The following ADD3 variants were observed in gnomAD, a reference collection of about 807,000 sequenced individuals.
The protein encoded by ADD3 is adducin 3.
Under a neutral mutation model 80.2 loss-of-function variants are expected in ADD3, and 25 were observed. That is an observed-to-expected ratio of 0.31 (90% CI 0.23 to 0.44). The LOEUF is 0.44. Among genes scored for constraint, ADD3 ranks in the 20% least tolerant of loss-of-function variants. The pLI is 1.00. For missense variants in ADD3, 829 were observed against 847.5 expected, an observed-to-expected ratio of 0.98 and a Z score of 0.27; for synonymous variants, 284 against 289.6, an observed-to-expected ratio of 0.98 and a Z score of 0.20.
chr10:110,004,222 C>T (rs1186481157), upstream of ADD3, among the ~76,000 whole-genome samples: 1 of 151,680 alleles, frequency 6.6e-6, no homozygotes, highest in Non-Finnish European at 1.5e-5. Flanking sequence ...TTAATTCTCT[C>T]CCTGTAGGAG....
intron 1 of ADD3, among the ~76,000 whole-genome samples, chr10:110,066,705 C>T (rs1483317804): frequency 6.6e-6 from 1 of 152,134 alleles, no homozygotes; most frequent in African/African-American, 2.4e-5. Context: ...GCATAGCCCA[C>T]AATTTGTGAG....
intron 1 of ADD3, among the ~76,000 whole-genome samples, chr10:110,084,307 C>T (rs1166196589): frequency 6.6e-6 from 1 of 152,168 alleles, no homozygotes; most frequent in East Asian, 1.9e-4. Context: ...ATCATGAGCA[C>T]ATACCTAGAA....
chr10:110,015,207 C>T (rs1361759116), intron 1 of ADD3, among the ~76,000 whole-genome samples: 2 of 151,992 alleles, frequency 1.3e-5, no homozygotes, highest in African/African-American at 2.4e-5. Flanking sequence ...TGTTAAATTT[C>T]GAATAAAGAT....
At chr10:110,094,213 G>A (rs1307237291) in intron 1 of ADD3, among the ~76,000 whole-genome samples, 1 of 152,092 alleles carries the variant, frequency 6.6e-6, no homozygotes, top group Non-Finnish European at 1.5e-5. Context: ...TAAACATGGC[G>A]TGATGGGTCT....
At chr10:110,018,952 C>T (rs1853327074) in intron 1 of ADD3, among the ~76,000 whole-genome samples, 1 of 152,120 alleles carries the variant, frequency 6.6e-6, no homozygotes, top group African/African-American at 2.4e-5. Context: ...GTTTTGAAGG[C>T]AGTAATGCTT....
intron 1 of ADD3, among the ~76,000 whole-genome samples, chr10:110,037,475 G>A (rs1855798299): frequency 6.6e-6 from 1 of 151,674 alleles, no homozygotes; most frequent in African/African-American, 2.4e-5. Context: ...CGTGGTGGTG[G>A]GCACCTGTAG....
At chr10:110,127,351 G>T (rs1433122330) in intron 12 of ADD3, among the ~76,000 whole-genome samples, 1 of 152,200 alleles carries the variant, frequency 6.6e-6, no homozygotes, top group Admixed American at 6.5e-5. Flanking sequence ...GGGTGCAGTG[G>T]CTCACGCCTG....
intron 1 of ADD3, among the ~76,000 whole-genome samples, chr10:110,093,215 C>T (rs1267631339): frequency 6.6e-6 from 1 of 152,150 alleles, no homozygotes; most frequent in Non-Finnish European, 1.5e-5. Context: ...ACCTGGAATT[C>T]TGTGATTGCT....
At chr10:110,028,380 C>T (rs1012640268) in intron 1 of ADD3, among the ~76,000 whole-genome samples, 2 of 152,064 alleles carry the variant, frequency 1.3e-5, no homozygotes, top group Admixed American at 6.6e-5. Context: ...TCGAGACCAG[C>T]CTGGCCAACC....
chr10:110,034,245 C>G (rs996513972), intron 1 of ADD3, among the ~76,000 whole-genome samples: 1 of 151,864 alleles, frequency 6.6e-6, no homozygotes, highest in African/African-American at 2.4e-5. Flanking sequence ...GGATATAATG[C>G]TTTTGTTTTA....
upstream of ADD3, among the ~76,000 whole-genome samples, chr10:110,003,333 A>G (rs1412325800): frequency 9.4e-6 from 1 of 106,818 alleles, no homozygotes; most frequent in Non-Finnish European, 1.8e-5. Flanking sequence ...GTGTCTGTGC[A>G]TGGAGAAAGA....
chr10:110,053,780 G>C (rs1455849594), intron 1 of ADD3, among the ~76,000 whole-genome samples: 1 of 152,146 alleles, frequency 6.6e-6, no homozygotes, highest in East Asian at 1.9e-4. Flanking sequence ...GTACACACTG[G>C]TGTTGAAAGT....
chr10:110,054,123 A>T (rs552764813), intron 1 of ADD3, among the ~76,000 whole-genome samples: 9 of 152,336 alleles, frequency 5.9e-5, no homozygotes, highest in African/African-American at 2.2e-4. Flanking sequence ...AAAAGTATGA[A>T]CAATAAAGTT....
At chr10:110,121,497 A>T (rs1851493926) in intron 8 of ADD3, among the ~76,000 whole-genome samples, 1 of 152,194 alleles carries the variant, frequency 6.6e-6, no homozygotes, top group Non-Finnish European at 1.5e-5. Flanking sequence ...TAAATAAATA[A>T]ATAAATAAAG....
At chr10:110,043,443 C>G (rs1285449699) in intron 1 of ADD3, among the ~76,000 whole-genome samples, 2 of 151,960 alleles carry the variant, frequency 1.3e-5, no homozygotes, top group Admixed American at 1.3e-4. Context: ...TGCTGTTATT[C>G]CATTTTTAGG....
chr10:110,095,290 GTCAC>G (rs1848018338), intron 1 of ADD3, among the ~76,000 whole-genome samples: 1 of 152,166 alleles, frequency 6.6e-6, no homozygotes, highest in African/African-American at 2.4e-5. Context: ...TTTTAATATA[GTCAC>G]AGAGTTGTAC....
chr10:110,023,080 G>GGA (rs1460617745), intron 1 of ADD3, among the ~76,000 whole-genome samples: 1 of 152,170 alleles, frequency 6.6e-6, no homozygotes, highest in African/African-American at 2.4e-5. Flanking sequence ...AAGTCACGAT[G>GGA]GAGAGAGAGT....
At chr10:110,072,754 C>T (rs1256758005) in intron 1 of ADD3, among the ~76,000 whole-genome samples, 1 of 152,196 alleles carries the variant, frequency 6.6e-6, no homozygotes, top group African/African-American at 2.4e-5. Flanking sequence ...GGTATTATCA[C>T]TTGTGAGAAC....
intron 1 of ADD3, among the ~76,000 whole-genome samples, chr10:110,032,496 G>A (rs1855163448): frequency 6.6e-6 from 1 of 152,104 alleles, no homozygotes; most frequent in Non-Finnish European, 1.5e-5. Context: ...TGGGCAGCAG[G>A]GATACTTGGG....
Sources: allele counts gnomAD v4.1 joint callset (sites outside exome capture counted in the v4.1 genomes callset), GRCh38; gene constraint gnomAD v4.1.1; transcripts MANE v1.5; gene names NCBI Gene and HGNC (gene_info 2026-07-23, HGNC 2026-07-21).